Variants in KHDRBS2 observed in about 807,000 individuals in gnomAD.
KHDRBS2 encodes the protein KH RNA binding domain containing, signal transduction associated 2, also known as KH domain-containing, RNA-binding, signal transduction-associated protein 2.
In KHDRBS2, 26 loss-of-function variants were observed where a neutral mutation model predicts 44.3. The observed-to-expected ratio is 0.59, with a 90% CI of 0.43 to 0.81. The LOEUF (loss-of-function observed/expected upper bound fraction) is 0.81. Among genes scored for constraint, KHDRBS2 ranks in the 40% least tolerant of loss-of-function variants. KHDRBS2 has a pLI of 0.00. For synonymous variants in KHDRBS2, 194 were observed against 151.1 expected (o/e 1.28, Z -2.08); for missense variants, 476 against 433.1 (o/e 1.10, Z -0.88).
intron 1 of KHDRBS2, among the ~76,000 whole-genome samples, chr6:62,230,866 C>A (rs886778880): frequency 2.0e-5 from 3 of 151,770 alleles, no homozygotes; most frequent in Non-Finnish European, 4.4e-5. Context: ...CTATGATGAC[C>A]CCATGATCAG....
intron 8 of KHDRBS2, among the ~76,000 whole-genome samples, chr6:61,695,721 T>C (rs779147796): frequency 3.9e-5 from 6 of 152,196 alleles, no homozygotes; most frequent in Admixed American, 6.5e-5. Flanking sequence ...TATCTGTAAC[T>C]AATCAGCCCA....
chr6:61,753,395 AC>A (rs774254215), intron 6 of KHDRBS2, among the ~76,000 whole-genome samples: 1 of 151,804 alleles, frequency 6.6e-6, no homozygotes, highest in Non-Finnish European at 1.5e-5. Context: ...TGGTACCCCC[AC>A]CCCCCCAAAC....
At chr6:61,614,827 G>A in the KHDRBS2 span, among the ~76,000 whole-genome samples, 89,812 of 151,942 alleles carry the variant, frequency 0.59, 26,757 homozygotes, top group Non-Finnish European at 0.61. Context: ...GCCCTGCAAC[G>A]TAAGAGCTCT....
chr6:62,016,869 A>T (rs1038336058), intron 3 of KHDRBS2, among the ~76,000 whole-genome samples: 3 of 152,000 alleles, frequency 2.0e-5, no homozygotes, highest in African/African-American at 7.2e-5. Context: ...TCCCATCTCA[A>T]TATTATATAA....
At chr6:62,011,126 A>T (rs148655701) in intron 3 of KHDRBS2, among the ~76,000 whole-genome samples, 83 of 152,262 alleles carry the variant, frequency 5.5e-4, no homozygotes, top group African/African-American at 1.9e-3. Flanking sequence ...AAACGTACAA[A>T]CAGGTTGGTG....
the KHDRBS2 span, among the ~76,000 whole-genome samples, chr6:61,640,350 T>C: frequency 2.6e-5 from 4 of 152,242 alleles, no homozygotes; most frequent in East Asian, 7.7e-4. Context: ...TAGAATAATC[T>C]TTCAGTCATT....
the KHDRBS2 span, among the ~76,000 whole-genome samples, chr6:61,603,277 C>T: frequency 0.011 from 1,639 of 152,300 alleles, 29 homozygotes; most frequent in African/African-American, 0.038. Context: ...CTATCCACCA[C>T]GTGGTGCCAA....
At chr6:62,008,024 C>T (rs1375869769) in intron 3 of KHDRBS2, among the ~76,000 whole-genome samples, 2 of 151,918 alleles carry the variant, frequency 1.3e-5, no homozygotes, top group Non-Finnish European at 2.9e-5. Context: ...TTAAAAAATG[C>T]CAAGCATTGA....
intron 1 of KHDRBS2, among the ~76,000 whole-genome samples, chr6:62,202,680 T>C (rs2150139450): frequency 6.6e-6 from 1 of 152,164 alleles, no homozygotes; most frequent in Non-Finnish European, 1.5e-5. Context: ...GTAAGACAAA[T>C]ATAAATCTAT....
intron 3 of KHDRBS2, among the ~76,000 whole-genome samples, chr6:61,992,534 C>A (rs544361380): frequency 3.3e-5 from 5 of 151,972 alleles, no homozygotes; most frequent in African/African-American, 1.2e-4. Flanking sequence ...TCAATTGTAT[C>A]CTGCCTCAGA....
At position 61,869,879 on chromosome 6, in the gene KHDRBS2, TC is replaced by T. The variant is rs1453570575; in HGVS notation, c.810+24755del. Among the ~76,000 whole-genome samples the T allele has an allele frequency of 5.9e-5, 9 of 151,618 alleles. No individual in the cohort carries two copies. In the East Asian group the frequency reaches 1.6e-3, roughly 26 times the overall value. ...ACAACCTGCAGACCAGGAGATTCCC[TC>T]CAGTGCCTATGCCACCAGGGCCTTG... On this transcript the variant is annotated intron_variant, in intron 6 of 8. Coordinates refer to ENST00000281156, the MANE Select transcript of KHDRBS2 (RefSeq NM_152688.4).
At chr6:61,579,861 C>T in the KHDRBS2 span, among the ~76,000 whole-genome samples, 2 of 107,356 alleles carry the variant, frequency 1.9e-5, no homozygotes, top group Admixed American at 9.6e-5. Flanking sequence ...AGTTTGAGAC[C>T]ACCCTGACCA....
At chr6:61,860,920 T>C (rs1327928264) in intron 6 of KHDRBS2, among the ~76,000 whole-genome samples, 11 of 152,122 alleles carry the variant, frequency 7.2e-5, no homozygotes, top group Non-Finnish European at 1.6e-4. Flanking sequence ...TTCTGGCTGG[T>C]GTGAGATGGT....
intron 1 of KHDRBS2, among the ~76,000 whole-genome samples, chr6:62,278,901 T>C (rs1037481889): frequency 1.3e-5 from 2 of 152,056 alleles, no homozygotes; most frequent in Non-Finnish European, 2.9e-5. Flanking sequence ...GAGACCATCC[T>C]GGTTAACACG....
chr6:62,160,865 T>C (rs1380334093), intron 2 of KHDRBS2, among the ~76,000 whole-genome samples: 3 of 152,142 alleles, frequency 2.0e-5, no homozygotes, highest in Non-Finnish European at 4.4e-5. Flanking sequence ...GTATACAGTG[T>C]AGTGGTGTTA....
chr6:62,137,280 C>T (rs1457860926), intron 2 of KHDRBS2, among the ~76,000 whole-genome samples: 3 of 152,036 alleles, frequency 2.0e-5, no homozygotes, highest in Non-Finnish European at 4.4e-5. Flanking sequence ...GGATTACAGG[C>T]GTGAGCCACC....
At chr6:62,134,871 C>A (rs560933241) in intron 2 of KHDRBS2, among the ~76,000 whole-genome samples, 12 of 152,116 alleles carry the variant, frequency 7.9e-5, no homozygotes, top group African/African-American at 2.9e-4. Context: ...ATTTATACAA[C>A]GCCTGTACTC....
the KHDRBS2 span, among the ~76,000 whole-genome samples, chr6:61,653,895 CG>C: frequency 2.1e-5 from 1 of 48,388 alleles, no homozygotes; most frequent in South Asian, 5.7e-4. Context: ...TCAGCAAGAT[CG>C]CAATGTTTCA....
At chr6:61,672,548 T>G in the KHDRBS2 span, among the ~76,000 whole-genome samples, 10 of 152,214 alleles carry the variant, frequency 6.6e-5, no homozygotes, top group South Asian at 4.1e-4. Flanking sequence ...CTAACTGGTG[T>G]GAGATGGTAT....
Sources: allele counts gnomAD v4.1 joint callset (sites outside exome capture counted in the v4.1 genomes callset), GRCh38; gene constraint gnomAD v4.1.1; transcripts MANE v1.5; gene names NCBI Gene and HGNC (gene_info 2026-07-23, HGNC 2026-07-21).